The following ASXL1 variants were observed in gnomAD, a reference collection of about 807,000 sequenced individuals.
The protein encoded by ASXL1 is ASXL transcriptional regulator 1.
In ASXL1, 65 loss-of-function variants were observed where a neutral mutation model predicts 89.1. That is an observed-to-expected ratio of 0.73 (90% CI 0.60 to 0.90). The LOEUF (loss-of-function observed/expected upper bound fraction) is 0.90, where lower values mean the gene tolerates loss of function less well. ASXL1 is among the 40% of genes least tolerant of loss of function. The pLI, the probability that ASXL1 is intolerant of heterozygous loss-of-function variation, is 0.00. For synonymous variants in ASXL1, 739 were observed against 746.9 expected, an observed-to-expected ratio of 0.99 and a Z score of 0.17; for missense variants, 1,786 against 1,942.9, an observed-to-expected ratio of 0.92 and a Z score of 1.52.
intron 6 of ASXL1, 54 bp downstream of exon 6, chr20:32,428,476 C>G: frequency 6.8e-7 from 1 of 1,470,486 alleles, no homozygotes; most frequent in Non-Finnish European, 9.5e-7. Flanking sequence ...AGGTATAAGG[C>G]AAGATCCCTC....
intron 4 of ASXL1, among the ~76,000 whole-genome samples, chr20:32,408,800 G>T (rs2048997773): frequency 6.6e-6 from 1 of 151,974 alleles, no homozygotes; most frequent in Non-Finnish European, 1.5e-5. Context: ...TTAGGATTAT[G>T]TTGACTTTGT....
intron 4 of ASXL1, among the ~76,000 whole-genome samples, chr20:32,387,851 A>G (rs1012258076): frequency 6.6e-6 from 1 of 152,198 alleles, no homozygotes; most frequent in Non-Finnish European, 1.5e-5. Flanking sequence ...ATCTAATGGC[A>G]TCTCAAAATT....
At chr20:32,389,576 C>T (rs1013258665) in intron 4 of ASXL1, among the ~76,000 whole-genome samples, 1 of 152,062 alleles carries the variant, frequency 6.6e-6, no homozygotes, top group Non-Finnish European at 1.5e-5. Flanking sequence ...TTTACCACCG[C>T]CCCCCTGCCC....
At chr20:32,411,536 CTTTTTT>C (rs749530241) in intron 4 of ASXL1, among the ~76,000 whole-genome samples, 3 of 123,902 alleles carry the variant, frequency 2.4e-5, no homozygotes, top group Admixed American at 1.8e-4. Context: ...CCATGGATTC[CTTTTTT>C]TTTTTTTTTT....
intron 4 of ASXL1, among the ~76,000 whole-genome samples, chr20:32,377,731 C>T (rs1351649002): frequency 2.0e-5 from 3 of 151,454 alleles, no homozygotes; most frequent in Non-Finnish European, 4.4e-5. Context: ...TGGCTCACTG[C>T]AACCTCCGCC....
intron 1 of ASXL1, among the ~76,000 whole-genome samples, chr20:32,362,563 G>A (rs2048135585): frequency 6.6e-6 from 1 of 152,222 alleles, no homozygotes; most frequent in African/African-American, 2.4e-5. Context: ...GTGAACGCGG[G>A]AGGCGGAGCT....
intron 4 of ASXL1, 129 bp from the exon 5 acceptor site, chr20:32,427,999 T>G (rs946196792): frequency 7.3e-7 from 1 of 1,362,314 alleles, no homozygotes; most frequent in African/African-American, 1.4e-5. Flanking sequence ...AAAGGTCAGT[T>G]AGAAAGGGTT....
chr20:32,431,509 G>A, intron 9 of ASXL1, 25 bp downstream of exon 9: 1 of 1,614,026 alleles, frequency 6.2e-7, no homozygotes, highest in Non-Finnish European at 8.5e-7. Context: ...CCTCCCCTTT[G>A]CCTCTCTCTG....
chr20:32,367,381 A>AAAAAC (rs1165143761), intron 2 of ASXL1, among the ~76,000 whole-genome samples: 1 of 152,206 alleles, frequency 6.6e-6, no homozygotes, highest in East Asian at 1.9e-4. Context: ...CTGCATCTCA[A>AAAAAC]AAAACAAAAC....
intron 1 of ASXL1, among the ~76,000 whole-genome samples, chr20:32,365,639 T>C (rs2048191862): frequency 6.6e-6 from 1 of 152,180 alleles, no homozygotes. Context: ...CTAAAACAAC[T>C]CTTAAAGCAA....
rs2145368696 is a variant in ASXL1, at chr20:32,435,245, C to A, written c.2533C>A (p.Pro845Thr). 1 of 1,614,070 alleles carries A rather than the reference C, an allele frequency of 6.2e-7. No individual in the cohort carries two copies. The highest frequency in any genetic ancestry group is 1.3e-5 in the African/African-American group (1 of 75,010). ...PTMKDPVNVT[P>T]SSTPESSPTD... ...TATGAAGGATCCTGTAAATGTGACC[C>A]CCAGTTCCACACCTGAATCCTCACC... The change falls in exon 13 of 13, where the codon CCC becomes ACC. Residue 845 changes from proline to threonine, a missense_variant. Around this residue, in one of 3 missense-constraint regions of ASXL1, gnomAD observed 1,418 missense variants for 1,427.8 expected, o/e 0.99. Transcript: ENST00000375687.
intron 4 of ASXL1, among the ~76,000 whole-genome samples, chr20:32,411,921 G>T (rs1289777782): frequency 1.3e-5 from 2 of 152,142 alleles, no homozygotes; most frequent in African/African-American, 4.8e-5. Context: ...TTGGCCAGTG[G>T]AATTGCATGT....
chr20:32,410,794 C>T (rs938265886), intron 4 of ASXL1, among the ~76,000 whole-genome samples: 4 of 151,886 alleles, frequency 2.6e-5, no homozygotes, highest in African/African-American at 9.7e-5. Context: ...TTTGGGAGAC[C>T]GAGGTGGGTG....
Position 32,358,799 on chromosome 20 carries a change from G to T in ASXL1, c.24G>T (p.Lys8Asn). 3.3e-6 allele frequency: 5 copies of T among 1,507,184 alleles called. No individual in the cohort carries two copies. The highest frequency in any genetic ancestry group is 2.7e-5 in the East Asian group (1 of 36,420). 93.4% of individuals were successfully genotyped at this position (1,507,184 alleles called of 1,614,324 possible). Reference protein sequence around the residue: MKDKQKKKKERTWAEAAR... With the variant: MKDKQKKNKERTWAEAAR... The stretch of plus-strand genomic sequence containing the variant: ...GGATGAAGGACAAACAGAAGAAGAA[G>T]AAGGAGCGCACGTGGGCCGAGGCCG... Residue 8 changes from lysine to asparagine, a missense_variant, in exon 1 of 13, where the codon AAG becomes AAT. Lys to Asn is a moderately conservative substitution (Grantham distance 94). This residue lies in a region of ASXL1 where 332 missense variants were observed against 449.7 expected (regional missense o/e 0.74). Transcript: ENST00000375687.
chr20:32,426,493 C>T (rs1048456248), intron 4 of ASXL1, among the ~76,000 whole-genome samples: 2 of 150,168 alleles, frequency 1.3e-5, no homozygotes, highest in Non-Finnish European at 3.0e-5. Flanking sequence ...TTCTGAAGAC[C>T]ATGTATGGCC....
chr20:32,372,853 A>G (rs1020534438), intron 4 of ASXL1, among the ~76,000 whole-genome samples: 1 of 150,878 alleles, frequency 6.6e-6, no homozygotes, highest in Non-Finnish European at 1.5e-5. Flanking sequence ...TCGGCCTCCC[A>G]GAGTGCTGGG....
intron 6 of ASXL1, chr20:32,428,720 G>A: frequency 3.0e-6 from 1 of 336,592 alleles, no homozygotes. Context: ...GAGTGCAGTG[G>A]CATGATCTCC....
At position 32,382,619 on chromosome 20, in the gene ASXL1, A is replaced by C. The variant is rs562018085; in HGVS notation, c.252+13496A>C. Among the ~76,000 whole-genome samples, 38 of 151,078 alleles carry C rather than the reference A, an allele frequency of 2.5e-4. No homozygotes were observed. In the South Asian group the frequency reaches 7.6e-3, roughly 30 times the overall value. Reference sequence around the variant, plus strand: ...AGACCTCGTCTCTACAAAAAAAAAAAAAAAAAAACAAAACCTGTTAGCCAG... The same window carrying C: ...AGACCTCGTCTCTACAAAAAAAAAACAAAAAAAACAAAACCTGTTAGCCAG... On this transcript the variant is annotated intron_variant, in intron 4 of 12. Transcript: ENST00000375687.
intron 4 of ASXL1, among the ~76,000 whole-genome samples, chr20:32,419,967 C>T (rs1306823742): frequency 6.6e-6 from 1 of 152,024 alleles, no homozygotes. Context: ...GGCATGAGCC[C>T]CCACACCCGG....
Sources: gnomAD v4.1 joint callset for allele counts (sites outside exome capture counted in the v4.1 genomes callset) on GRCh38, gnomAD v4.1.1 for gene constraint, gnomAD v4.1.1 regional missense constraint, MANE v1.5 for transcripts, NCBI Gene and HGNC (gene_info 2026-07-23, HGNC 2026-07-21) for gene names.